Variants in BIN2 observed in about 807,000 individuals in gnomAD.
BIN2 encodes bridging integrator 2.
Under a neutral mutation model 67.9 loss-of-function variants are expected in BIN2, and 43 were observed. That is an observed-to-expected ratio of 0.63 (90% confidence interval 0.50 to 0.82). The LOEUF (loss-of-function observed/expected upper bound fraction) is 0.82. BIN2 is among the 40% of genes least tolerant of loss of function. The pLI, the probability that BIN2 is intolerant of heterozygous loss-of-function variation, is 0.00. For synonymous variants in BIN2, 244 were observed against 246.8 expected, an observed-to-expected ratio of 0.99 and a Z score of 0.11; for missense variants, 581 against 671.6, an observed-to-expected ratio of 0.87 and a Z score of 1.49.
At chr12:51,293,583 A>C (rs1482328384) in intron 9 of BIN2, among the ~76,000 whole-genome samples, 10 of 152,212 alleles carry the variant, frequency 6.6e-5, no homozygotes, top group Non-Finnish European at 1.3e-4. Flanking sequence ...AAGTGCTGGG[A>C]TTACAGGCGT....
At chr12:51,302,219 C>T (rs752105011) in intron 4 of BIN2, 104 bp from the exon 5 acceptor site, 113 of 758,728 alleles carry the variant, frequency 1.5e-4, no homozygotes, top group Non-Finnish European at 2.2e-4. Flanking sequence ...TTTGTAGCAC[C>T]GTATTTAGAA....
intron 12 of BIN2, 112 bp downstream of exon 12, chr12:51,284,604 A>G: frequency 1.2e-6 from 1 of 809,250 alleles, no homozygotes; most frequent in South Asian, 1.5e-5. Flanking sequence ...GACTGCCCTA[A>G]GGGTATGGTT....
rs1946368952 is a variant in BIN2 at position 51,324,111 on chromosome 12, C to A, written c.-9G>T. 2 of 1,612,676 alleles carry A rather than the reference C, an allele frequency of 1.2e-6. No individual in the cohort carries two copies. The highest frequency in any genetic ancestry group is 1.3e-5 in the African/African-American group (1 of 74,862). ...GCCTTGCCCTCTGCCATCCTGCCAA[C>A]TCCCTGGGGGCCGCCGCCCTGGCCC... On this transcript the variant is annotated 5_prime_UTR_variant, in exon 1 of 13. Coordinates refer to ENST00000615107, the MANE Select transcript of BIN2 (RefSeq NM_016293.4).
At chr12:51,311,260 G>A (rs1023242929) in intron 2 of BIN2, among the ~76,000 whole-genome samples, 4 of 151,622 alleles carry the variant, frequency 2.6e-5, no homozygotes, top group South Asian at 2.1e-4. Context: ...CTGTGTTGCC[G>A]GGTTTGTCTC....
In BIN2 at chr12:51,287,572, C is replaced by G. The variant is rs567807351; in HGVS notation, c.1596+536G>C. On this transcript the variant is annotated intron_variant, in intron 11 of 12. Transcript: ENST00000615107. Reference sequence around the variant, plus strand: ...GGTCTCAAACTCTCGAACTCCTGACCTCAGGTGATCCGCCCACCTCGGCCT... The same window carrying G: ...GGTCTCAAACTCTCGAACTCCTGACGTCAGGTGATCCGCCCACCTCGGCCT... Among the ~76,000 whole-genome samples, 332 of 151,966 alleles carry G rather than the reference C, an allele frequency of 2.2e-3. 1 individual carries two copies. The highest frequency in any genetic ancestry group is 7.6e-3 in the African/African-American group (315 of 41,474).
At chr12:51,323,891 G>C in intron 1 of BIN2, 131 bp downstream of exon 1, 2 of 1,097,618 alleles carry the variant, frequency 1.8e-6, no homozygotes, top group Non-Finnish European at 2.5e-6. Flanking sequence ...CTGGGAGAGC[G>C]GGAGACCCTT....
intron 2 of BIN2, among the ~76,000 whole-genome samples, chr12:51,312,458 C>T (rs994434646): frequency 1.3e-5 from 2 of 152,184 alleles, no homozygotes; most frequent in African/African-American, 2.4e-5. Context: ...TACTATGGTA[C>T]ACATATTCCC....
chr12:51,314,933 G>A (rs1472938943), intron 1 of BIN2, among the ~76,000 whole-genome samples: 2 of 151,736 alleles, frequency 1.3e-5, no homozygotes, highest in Non-Finnish European at 2.9e-5. Flanking sequence ...ACTTACTACA[G>A]CCTCAACCTC....
intron 2 of BIN2, among the ~76,000 whole-genome samples, chr12:51,308,885 G>A (rs867833936): frequency 3.9e-5 from 6 of 152,046 alleles, no homozygotes; most frequent in Admixed American, 2.6e-4. Flanking sequence ...TTGGGAAGCC[G>A]AGGTGGGTAG....
intron 10 of BIN2, among the ~76,000 whole-genome samples, chr12:51,288,532 CT>C (rs917772061): frequency 2.6e-5 from 4 of 151,240 alleles, no homozygotes; most frequent in East Asian, 3.9e-4. Flanking sequence ...TTTATTTATT[CT>C]TTTTTTTTGT....
At position 51,302,570 on chromosome 12, in the gene BIN2, C is replaced by A. The variant is rs1945755007; in HGVS notation, c.312+116G>T. On this transcript the variant is annotated intron_variant, in intron 4 of 12. Transcript: ENST00000615107. ...CCCAGTGACTGAGGCTACACAAATGCACAGTGTGAACTGGCTCCTTTGTTT... is the reference window on the plus strand; with the variant it reads ...CCCAGTGACTGAGGCTACACAAATGAACAGTGTGAACTGGCTCCTTTGTTT... 5.8e-6 allele frequency: 5 copies of A among 856,930 alleles called. No homozygotes were observed. In the Admixed American group the frequency reaches 8.1e-5, roughly 14 times the overall value. 53.1% of individuals were successfully genotyped at this position (856,930 alleles called of 1,614,324 possible).
intron 2 of BIN2, among the ~76,000 whole-genome samples, chr12:51,308,697 C>T (rs891962535): frequency 6.6e-6 from 1 of 152,168 alleles, no homozygotes; most frequent in Non-Finnish European, 1.5e-5. Context: ...GAATTGGAAG[C>T]AGCTGTCACT....
At position 51,291,993 on chromosome 12, in the gene BIN2, G is replaced by A. The variant is rs61749591; in HGVS notation, c.1113C>T (p.Gly371=). 262 of 1,614,062 alleles carry A rather than the reference G, an allele frequency of 1.6e-4. 1 individual carries two copies. The highest frequency in any genetic ancestry group is 8.9e-5 in the East Asian group (4 of 44,900). ...GCTGCCCTGAAGGGCTCAGGGCTCCGCCTGGTGATGGAGTTGTGGAGCTGG... is the reference window on the plus strand; with the variant it reads ...GCTGCCCTGAAGGGCTCAGGGCTCCACCTGGTGATGGAGTTGTGGAGCTGG... The part of the protein sequence containing the change: ...VLPSSTTPSP[G]GALSPSGQPS... Residue 371 remains glycine (G), a synonymous_variant, in exon 10 of 13, where the codon GGC becomes GGT. Coordinates refer to ENST00000615107, the MANE Select transcript of BIN2 (RefSeq NM_016293.4).
At chr12:51,297,357 A>C (rs1373356570) in intron 7 of BIN2, 193 bp from the exon 8 acceptor site, 2 of 505,744 alleles carry the variant, frequency 4.0e-6, no homozygotes, top group African/African-American at 4.0e-5. Context: ...TCATGAAGTC[A>C]GGAGATCAAG....
chr12:51,315,174 A>ATTT (rs58775675), intron 1 of BIN2, among the ~76,000 whole-genome samples: 4 of 146,290 alleles, frequency 2.7e-5, no homozygotes, highest in Admixed American at 6.8e-5. Flanking sequence ...TATTATTATT[A>ATTT]TTTTTTTTTT....
At chr12:51,285,634 T>C (rs1237372056) in intron 11 of BIN2, among the ~76,000 whole-genome samples, 1 of 151,138 alleles carries the variant, frequency 6.6e-6, no homozygotes, top group Admixed American at 6.6e-5. Context: ...TTCTTTTTTT[T>C]TTTTTTTGAG....
At chr12:51,320,862 T>G (rs1019246180) in intron 1 of BIN2, among the ~76,000 whole-genome samples, 3 of 150,362 alleles carry the variant, frequency 2.0e-5, no homozygotes, top group Admixed American at 6.7e-5. Context: ...TCTGAGAGGT[T>G]TGCCACAGAG....
At chr12:51,324,226 C>A (rs577871829), upstream of BIN2, 3 of 1,462,746 alleles carry the variant, frequency 2.1e-6, no homozygotes, top group East Asian at 7.6e-5. Flanking sequence ...CCACCTCAGG[C>A]CGCCCCTGGC....
intron 12 of BIN2, among the ~76,000 whole-genome samples, chr12:51,283,097 A>T (rs964277665): frequency 2.6e-5 from 4 of 151,378 alleles, no homozygotes; most frequent in African/African-American, 9.7e-5. Context: ...TCTACCAAAA[A>T]TACAAAAATT....
Sources: allele counts gnomAD v4.1 joint callset (sites outside exome capture counted in the v4.1 genomes callset), GRCh38; gene constraint gnomAD v4.1.1; transcripts MANE v1.5; gene names NCBI Gene and HGNC (gene_info 2026-07-23, HGNC 2026-07-21).